Variants in SMPDL3A observed in about 807,000 individuals in gnomAD.
SMPDL3A encodes the protein cyclic GMP-AMP phosphodiesterase SMPDL3A.
Under a neutral mutation model 38.5 loss-of-function variants are expected in SMPDL3A, and 39 were observed. The observed-to-expected ratio is 1.01, with a 90% CI of 0.78 to 1.32. The LOEUF (loss-of-function observed/expected upper bound fraction) is 1.32. Among genes scored for constraint, SMPDL3A ranks in the 40% most tolerant of loss-of-function variants. The probability of loss-of-function intolerance (pLI) is 0.00; values close to 1 mark genes in which losing one functional copy is unlikely to be tolerated. For missense variants in SMPDL3A, 502 were observed against 536.2 expected, an observed-to-expected ratio of 0.94 and a Z score of 0.63; for synonymous variants, 180 against 194.3, an observed-to-expected ratio of 0.93 and a Z score of 0.61.
Position 122,806,351 on chromosome 6 carries a change from A to G in SMPDL3A, c.1038A>G (p.Lys346=), listed in dbSNP as rs776155665. Residue 346 remains lysine (K), a synonymous_variant, in exon 7 of 8, where the codon AAA becomes AAG. Coordinates refer to ENST00000368440, the MANE Select transcript of SMPDL3A (RefSeq NM_006714.5). ...TTCAGTATGATCCTCGTGATTATAA[A>G]TTATTGGTAAGTTGGCAGATTTCAG... is the stretch of plus-strand genomic sequence containing the variant. ...RLFQYDPRDY[K]LLDMLQYYLN... is the part of the protein sequence containing the mutation. The G allele has an allele frequency of 1.2e-5, 19 of 1,603,970 alleles. No individual in the cohort carries two copies. The Admixed American group carries it at 3.2e-4, about 27-fold the overall frequency.
chr6:122,808,628 TTCCTTCCTTCCTTCCCCCCCTCC>T lies in SMPDL3A; in HGVS notation c.1045-459_1045-437del, dbSNP rs202185154. Reference sequence around the variant, plus strand: ...CTCCCTCCCTTCCTTCCTTCCTTCCTTCCTTCCTTCCTTCCCCCCCTCCTCCCCCCTCCCTCCCTCTCCTTCTT... The same window carrying T: ...CTCCCTCCCTTCCTTCCTTCCTTCCTTCCCCCCTCCCTCCCTCTCCTTCTT... On this transcript the variant is annotated intron_variant, in intron 7 of 7. Coordinates refer to ENST00000368440, the MANE Select transcript of SMPDL3A (RefSeq NM_006714.5). Among the ~76,000 whole-genome samples, 41 of 59,518 alleles carry T rather than the reference TTCCTTCCTTCCTTCCCCCCCTCC, an allele frequency of 6.9e-4. 1 individual carries two copies. In the East Asian group the frequency reaches 8.6e-3, roughly 13 times the overall value. 39.0% of individuals were successfully genotyped at this position (59,518 alleles called of 152,430 possible).
chr6:122,789,538 C>T, intron 1 of SMPDL3A, 80 bp downstream of exon 1: 1 of 1,251,710 alleles, frequency 8.0e-7, no homozygotes, highest in East Asian at 2.6e-5. Flanking sequence ...GGAGAAAGTG[C>T]GTGGGGGCAG....
intron 7 of SMPDL3A, among the ~76,000 whole-genome samples, chr6:122,808,393 G>A (rs1227926627): frequency 6.6e-6 from 1 of 152,096 alleles, no homozygotes; most frequent in Non-Finnish European, 1.5e-5. Flanking sequence ...TTTGACAGTC[G>A]GCTTTTGTGA....
intron 3 of SMPDL3A, among the ~76,000 whole-genome samples, chr6:122,799,508 C>T (rs565382771): frequency 6.6e-6 from 1 of 152,170 alleles, no homozygotes; most frequent in African/African-American, 2.4e-5. Context: ...ATCACCACAC[C>T]ATACTTGGCA....
chr6:122,803,885 T>G, intron 5 of SMPDL3A, 52 bp downstream of exon 5: 2 of 1,520,992 alleles, frequency 1.3e-6, no homozygotes, highest in South Asian at 2.3e-5. Context: ...GCAAAATTTG[T>G]ATGTTTATTA....
intron 7 of SMPDL3A, among the ~76,000 whole-genome samples, chr6:122,807,737 G>A (rs187463724): frequency 8.6e-5 from 13 of 151,852 alleles, no homozygotes; most frequent in Admixed American, 1.3e-4. Flanking sequence ...AATTTAAATA[G>A]GAGATGGTTC....
At chr6:122,801,443 A>G in intron 4 of SMPDL3A, 37 bp downstream of exon 4, 1 of 1,377,082 alleles carries the variant, frequency 7.3e-7, no homozygotes, top group Non-Finnish European at 1.0e-6. Flanking sequence ...TTTTGCCTCA[A>G]TTTTTATTCA....
chr6:122,791,768 A>G (rs1314960180), intron 1 of SMPDL3A, among the ~76,000 whole-genome samples: 1 of 152,246 alleles, frequency 6.6e-6, no homozygotes, highest in East Asian at 1.9e-4. Flanking sequence ...ATCTCGGCTC[A>G]CTGCAAACTC....
In SMPDL3A at chr6:122,803,808, AC is replaced by A. The variant is rs1205481996; in HGVS notation, c.714del (p.Asn238LysfsTer13). The A allele has an allele frequency of 2.8e-5, 45 of 1,614,034 alleles. No individual in the cohort carries two copies. The highest frequency in any genetic ancestry group is 3.6e-5 in the Non-Finnish European group (43 of 1,180,004). On this transcript the variant is annotated frameshift_variant, in exon 5 of 8. Coordinates refer to ENST00000368440, the MANE Select transcript of SMPDL3A (RefSeq NM_006714.5). LOFTEE classifies it high-confidence loss of function. ...TTTGAATGGCTAGAAAGTACATTGA[AC>A]AACTCTCAGCAGAATAAGGAGAAGG... ...NQFEWLESTL[N>X]NSQQNKEKVY... is the part of the protein sequence containing the mutation.
intron 6 of SMPDL3A, among the ~76,000 whole-genome samples, chr6:122,805,423 ACACTC>A (rs1471070335): frequency 6.6e-6 from 1 of 152,222 alleles, no homozygotes; most frequent in Non-Finnish European, 1.5e-5. Context: ...TTTAACTGCT[ACACTC>A]AAGTTTCTTT....
chr6:122,806,352 T>C lies in SMPDL3A; in HGVS notation c.1039T>C (p.Leu347=). ...TCAGTATGATCCTCGTGATTATAAA[T>C]TATTGGTAAGTTGGCAGATTTCAGA... The part of the protein sequence containing the change: ...LFQYDPRDYK[L]LDMLQYYLNL... Residue 347 remains leucine, a synonymous_variant, in exon 7 of 8, where the codon TTA becomes CTA. Coordinates refer to ENST00000368440, the MANE Select transcript of SMPDL3A (RefSeq NM_006714.5). 1.2e-6 allele frequency: 2 copies of C among 1,603,968 alleles called. No individual in the cohort carries two copies. The highest frequency in any genetic ancestry group is 1.7e-6 in the Non-Finnish European group (2 of 1,174,252).
At chr6:122,806,135 G>A in intron 6 of SMPDL3A, 98 bp from the exon 7 acceptor site, 2 of 1,088,314 alleles carry the variant, frequency 1.8e-6, no homozygotes, top group South Asian at 2.0e-5. Context: ...ATATCACTTG[G>A]TTATGTCTGT....
intron 4 of SMPDL3A, 125 bp downstream of exon 4, chr6:122,801,531 C>T: frequency 1.4e-6 from 1 of 691,206 alleles, no homozygotes; most frequent in Non-Finnish European, 2.6e-6. Context: ...TTGTGGAGGA[C>T]AGTGAGTAGT....
At chr6:122,806,457 A>G in intron 7 of SMPDL3A, 100 bp downstream of exon 7, 1 of 1,199,384 alleles carries the variant, frequency 8.3e-7, no homozygotes, top group Non-Finnish European at 1.2e-6. Context: ...TGTGAGATGT[A>G]TTTTATGTTG....
At chr6:122,798,433 C>G (rs1209698030) in intron 3 of SMPDL3A, among the ~76,000 whole-genome samples, 3 of 152,124 alleles carry the variant, frequency 2.0e-5, no homozygotes, top group Admixed American at 6.5e-5. Flanking sequence ...AAATCTTTAA[C>G]CAGCCCTGCT....
intron 1 of SMPDL3A, among the ~76,000 whole-genome samples, chr6:122,795,016 C>G (rs775442893): frequency 6.6e-6 from 1 of 152,180 alleles, no homozygotes; most frequent in South Asian, 2.1e-4. Context: ...AGGAGACATG[C>G]TATTAAGACA....
rs1011720356 is a variant in SMPDL3A, at chr6:122,805,495, G to A, written c.919+406G>A. ...GAAAGCAAAGCACAATTTACACAAC[G>A]GCTTAAAATAAAATATATTAAGCTC... On this transcript the variant is annotated intron_variant, in intron 6 of 7. Coordinates refer to ENST00000368440, the MANE Select transcript of SMPDL3A (RefSeq NM_006714.5). 3.9e-5 allele frequency among the ~76,000 whole-genome samples: 6 copies of A among 151,902 alleles called. No homozygotes were observed. In the South Asian group the frequency reaches 8.3e-4, roughly 21 times the overall value.
Position 122,795,815 on chromosome 6 carries a change from C to T in SMPDL3A, c.251C>T (p.Pro84Leu), listed in dbSNP as rs1056507159. ...TTTGGAGATGTTCTGTGTGATTCTC[C>T]ATATCAACTTATTTTGTCAGCATTT... is the stretch of plus-strand genomic sequence containing the variant. ...GPFGDVLCDSPYQLILSAFDF... is the reference protein window; with the variant it reads ...GPFGDVLCDSLYQLILSAFDF... Residue 84 changes from proline to leucine, a missense_variant, in exon 2 of 8, where the codon CCA becomes CTA. Physicochemically the swap from Pro to Leu is moderately conservative, Grantham distance 98. Transcript: ENST00000368440. The T allele has an allele frequency of 1.9e-6, 3 of 1,613,910 alleles. No homozygotes were observed. The highest frequency in any genetic ancestry group is 2.7e-5 in the African/African-American group (2 of 74,910).
Position 122,789,281 on chromosome 6 carries a change from C to G in SMPDL3A, c.-66C>G. The G allele has an allele frequency of 1.7e-6, 2 of 1,178,894 alleles. No homozygotes were observed. Among genetic ancestry groups the G allele is most frequent in the Admixed American group, 4.6e-5 (2 of 43,378 alleles). 73.0% of individuals were successfully genotyped at this position (1,178,894 alleles called of 1,614,324 possible). A position where few individuals can be genotyped will look rare whatever the true frequency, so the allele number is the denominator to read the frequency against. ...CCGTCTTCTGTCTCCGCCTCACCCT[C>G]AGGCCTGACGGTCCGAGTGGAGCTG... On this transcript the variant is annotated 5_prime_UTR_variant, in exon 1 of 8. Transcript: ENST00000368440.
Sources: allele counts gnomAD v4.1 joint callset (sites outside exome capture counted in the v4.1 genomes callset), GRCh38; gene constraint gnomAD v4.1.1; transcripts MANE v1.5; gene names NCBI Gene and HGNC (gene_info 2026-07-23, HGNC 2026-07-21).